Variants in TRIM52 observed in about 807,000 individuals in gnomAD.
The protein encoded by TRIM52 is E3 ubiquitin-protein ligase TRIM52.
In TRIM52, 24 loss-of-function variants were observed where a neutral mutation model predicts 27.0. The observed-to-expected ratio is 0.89, with a 90% CI of 0.64 to 1.25. The LOEUF is 1.25. Among genes scored for constraint, TRIM52 ranks in the 50% most tolerant of loss-of-function variants. TRIM52 has a pLI of 0.00. For missense variants in TRIM52, 351 were observed against 354.7 expected, an observed-to-expected ratio of 0.99 and a Z score of 0.08; for synonymous variants, 125 against 126.5, an observed-to-expected ratio of 0.99 and a Z score of 0.08.
At chr5:181,259,893 T>C (rs1759954505) in intron 1 of TRIM52, 108 bp downstream of exon 1, 2 of 1,577,746 alleles carry the variant, frequency 1.3e-6, no homozygotes. Flanking sequence ...AAGAGAAGTT[T>C]AGCAACTAAG....
rs1283235920 is a variant in TRIM52 at position 181,260,681 on chromosome 5, T to C, written c.133A>G (p.Thr45Ala). Residue 45 changes from threonine (T) to alanine (A), a missense_variant, in exon 1 of 2, where the codon ACC becomes GCC. Physicochemically the swap from Thr to Ala is moderately conservative, Grantham distance 58. Coordinates refer to ENST00000688015, the MANE Select transcript of TRIM52 (RefSeq NM_001346048.2). The surrounding 1 kb of genome is among the most constrained non-coding windows in gnomAD (Gnocchi z 4.4). ...CGHNFCRGCVTQLWSKEDEED... is the reference protein window; with the variant it reads ...CGHNFCRGCVAQLWSKEDEED... ...TCGTCCTCCTTACTCCACAGCTGGG[T>C]CACACACCCTCGGCAGAAGTTGTGC... 1 of 1,613,922 alleles carries C rather than the reference T, an allele frequency of 6.2e-7. No individual in the cohort carries two copies. Among genetic ancestry groups the C allele is most frequent in the Non-Finnish European group, 8.5e-7 (1 of 1,179,994 alleles).
downstream of TRIM52, among the ~76,000 whole-genome samples, chr5:181,249,765 C>T (rs926200674): frequency 2.0e-5 from 3 of 150,536 alleles, no homozygotes; most frequent in East Asian, 1.9e-4. Context: ...TTAGTGAGGT[C>T]GGCTGTGAAA....
downstream of TRIM52, among the ~76,000 whole-genome samples, chr5:181,252,571 A>G (rs1013728869): frequency 2.6e-5 from 4 of 152,242 alleles, no homozygotes; most frequent in Non-Finnish European, 5.9e-5. Flanking sequence ...AATATTTGCA[A>G]TAACTTCACT....
intron 1 of TRIM52, chr5:181,258,396 A>G (rs1759877833): frequency 1.3e-5 from 2 of 152,246 alleles, no homozygotes; most frequent in Non-Finnish European, 2.9e-5. Context: ...TCTCAAAAAA[A>G]AAAGTTAGAA....
intron 1 of TRIM52, chr5:181,258,935 C>T (rs1197924572): frequency 1.3e-5 from 2 of 152,172 alleles, no homozygotes; most frequent in African/African-American, 4.8e-5. Flanking sequence ...ATTTTATAAA[C>T]TGTAAAGCAC....
downstream of TRIM52, among the ~76,000 whole-genome samples, chr5:181,251,960 C>T (rs999684737): frequency 2.6e-4 from 39 of 152,256 alleles, no homozygotes; most frequent in African/African-American, 9.4e-4. Context: ...AAAGTAAAAC[C>T]CTATATTTAT....
At chr5:181,250,257 C>T (rs185188548), downstream of TRIM52, among the ~76,000 whole-genome samples, 2 of 151,964 alleles carry the variant, frequency 1.3e-5, no homozygotes, top group Non-Finnish European at 2.9e-5. Context: ...CAGGGATGGC[C>T]GGGCGCGGTG....
chr5:181,260,181 C>T lies in TRIM52; in HGVS notation c.633G>A (p.Met211Ile). The T allele has an allele frequency of 6.2e-7, 1 of 1,614,238 alleles. No homozygotes were observed. Among genetic ancestry groups the T allele is most frequent in the Non-Finnish European group, 8.5e-7 (1 of 1,180,052 alleles). The change falls in exon 1 of 2, where the codon ATG becomes ATA. Residue 211 changes from methionine to isoleucine, a missense_variant. Coordinates refer to ENST00000688015, the MANE Select transcript of TRIM52 (RefSeq NM_001346048.2). This position sits in a 1 kb window ranked among gnomAD's most constrained non-coding sequence, Gnocchi z 4.4. The stretch of plus-strand genomic sequence containing the variant: ...GGTTTCCCCGATAAGGAGTGGGGCA[C>T]ATCTGGCGAATTATCTGGACCATGT... ...LANMVQIIRQMCPTPYRGNRS... is the reference protein window; with the variant it reads ...LANMVQIIRQICPTPYRGNRS...
At position 181,260,846 on chromosome 5, in the gene TRIM52, G is replaced by C. The variant is rs750472311; in HGVS notation, c.-33C>G. On this transcript the variant is annotated 5_prime_UTR_variant, in exon 1 of 2. Coordinates refer to ENST00000688015, the MANE Select transcript of TRIM52 (RefSeq NM_001346048.2). This position sits in a 1 kb window ranked among gnomAD's most constrained non-coding sequence, Gnocchi z 4.4. Reference sequence around the variant, plus strand: ...CCCGCCGGCAGGTGTAGATACGTCAGCTTGGAGCTGAGGAGCGGGGACGCG... The same window carrying C: ...CCCGCCGGCAGGTGTAGATACGTCACCTTGGAGCTGAGGAGCGGGGACGCG... 2.6e-6 allele frequency: 4 copies of C among 1,549,478 alleles called. No homozygotes were observed. The highest frequency in any genetic ancestry group is 1.7e-6 in the Non-Finnish European group (2 of 1,145,566).
downstream of TRIM52, among the ~76,000 whole-genome samples, chr5:181,250,974 G>A (rs989463374): frequency 6.6e-6 from 1 of 152,126 alleles, no homozygotes; most frequent in Non-Finnish European, 1.5e-5. Flanking sequence ...AGGGCTCTAA[G>A]TTGGGATCTC....
At chr5:181,259,668 C>T in intron 1 of TRIM52, 2 of 397,572 alleles carry the variant, frequency 5.0e-6, no homozygotes, top group Non-Finnish European at 4.7e-6. Flanking sequence ...CAAGGACTCA[C>T]ATTAGGGAGA....
At chr5:181,257,231 G>T (rs1387232847) in intron 1 of TRIM52, 16 of 1,281,944 alleles carry the variant, frequency 1.2e-5, no homozygotes, top group Admixed American at 3.8e-5. Context: ...TGGACAAACT[G>T]GAAGATGTAA....
intron 1 of TRIM52, chr5:181,259,226 T>A (rs972405585): frequency 6.6e-6 from 1 of 152,414 alleles, no homozygotes; most frequent in African/African-American, 2.4e-5. Flanking sequence ...ATGGTTAACA[T>A]ATATGATCTC....
At position 181,260,124 on chromosome 5, in the gene TRIM52, G is replaced by C. The variant is rs1488451509; in HGVS notation, c.690C>G (p.His230Gln). The C allele has an allele frequency of 6.2e-7, 1 of 1,614,082 alleles. No homozygotes were observed. Among genetic ancestry groups the C allele is most frequent in the African/African-American group, 1.3e-5 (1 of 74,924 alleles). ...CACAGAAGAGTTTCAGGGCTTCCTGGTGTTTAAAGCACATGCCCTGATCAT... is the reference window on the plus strand; with the variant it reads ...CACAGAAGAGTTTCAGGGCTTCCTGCTGTTTAAAGCACATGCCCTGATCAT... ...RSNDQGMCFK[H>Q]QEALKLFCEV... Residue 230 changes from histidine to glutamine, a missense_variant, in exon 1 of 2, where the codon CAC becomes CAG. Coordinates refer to ENST00000688015, the MANE Select transcript of TRIM52 (RefSeq NM_001346048.2). This position sits in a 1 kb window ranked among gnomAD's most constrained non-coding sequence, Gnocchi z 4.4.
chr5:181,260,947 G>A lies in TRIM52; in HGVS notation c.-134C>T. 7.4e-6 allele frequency: 10 copies of A among 1,353,718 alleles called. No individual in the cohort carries two copies. The South Asian group carries it at 1.4e-4, about 19-fold the overall frequency. 83.9% of individuals were successfully genotyped at this position (1,353,718 alleles called of 1,614,324 possible). A position where few individuals can be genotyped will look rare whatever the true frequency, so the allele number is the denominator to read the frequency against. ...CTTGCTCTTCTTCCTCGGGGCCGCAGGGGAGCTTTGACCCCCTCTCTCAGG... is the reference window on the plus strand; with the variant it reads ...CTTGCTCTTCTTCCTCGGGGCCGCAAGGGAGCTTTGACCCCCTCTCTCAGG... On this transcript the variant is annotated 5_prime_UTR_variant, in exon 1 of 2. Coordinates refer to ENST00000688015, the MANE Select transcript of TRIM52 (RefSeq NM_001346048.2). The surrounding 1 kb of genome is among the most constrained non-coding windows in gnomAD (Gnocchi z 4.4).
chr5:181,252,741 T>A (rs1170946254), downstream of TRIM52, among the ~76,000 whole-genome samples: 2 of 152,194 alleles, frequency 1.3e-5, no homozygotes, highest in Non-Finnish European at 2.9e-5. Context: ...GGGACTGATG[T>A]TATATTACCA....
chr5:181,249,321 T>A (rs1321144891), downstream of TRIM52, among the ~76,000 whole-genome samples: 1 of 151,930 alleles, frequency 6.6e-6, no homozygotes, highest in Non-Finnish European at 1.5e-5. Flanking sequence ...CTAAAGACCT[T>A]ATGACTAAGA....
rs899647604 is a variant in TRIM52, at chr5:181,256,207, G to C, written c.*602C>G. 2 of 152,000 alleles carry C rather than the reference G, an allele frequency of 1.3e-5. No homozygotes were observed. The highest frequency in any genetic ancestry group is 2.9e-5 in the Non-Finnish European group (2 of 68,018). 9.4% of individuals were successfully genotyped at this position (152,000 alleles called of 1,614,324 possible). ...ACTCCTATACAATTTCCTCCAACTCGGTTCATTTGATACAGCTGCAAAAAT... is the reference window on the plus strand; with the variant it reads ...ACTCCTATACAATTTCCTCCAACTCCGTTCATTTGATACAGCTGCAAAAAT... On this transcript the variant is annotated 3_prime_UTR_variant, in exon 2 of 2. Coordinates refer to ENST00000688015, the MANE Select transcript of TRIM52 (RefSeq NM_001346048.2).
In TRIM52 at chr5:181,261,137, A is replaced by G. The variant is rs977174446; in HGVS notation, c.-324T>C. 8.0e-5 allele frequency: 22 copies of G among 275,948 alleles called. No individual in the cohort carries two copies. The highest frequency in any genetic ancestry group is 1.4e-4 in the Non-Finnish European group (21 of 144,940). 17.1% of individuals were successfully genotyped at this position (275,948 alleles called of 1,614,324 possible). On this transcript the variant is annotated 5_prime_UTR_variant, in exon 1 of 2. Transcript: ENST00000688015. ...ATGCAGCCGCTGGCTACCCTGCCCG[A>G]GGCGACGCAAAATGACGTCTCGCTC...
Sources: gnomAD v4.1 joint callset for allele counts (sites outside exome capture counted in the v4.1 genomes callset) on GRCh38, gnomAD v4.1.1 for gene constraint, Gnocchi (gnomAD v3.1) non-coding constraint, MANE v1.5 for transcripts, NCBI Gene and HGNC (gene_info 2026-07-23, HGNC 2026-07-21) for gene names.